The following MYO5B variants were observed in gnomAD, a reference collection of about 807,000 sequenced individuals.
MYO5B encodes the protein myosin VB.
A neutral mutation model predicts 229.3 loss-of-function variants in MYO5B; 143 were observed. The ratio of observed to expected loss-of-function variants is 0.62; its 90% CI spans 0.54 to 0.72. The LOEUF (loss-of-function observed/expected upper bound fraction) is 0.72. MYO5B is among the 30% of genes least tolerant of loss of function. The probability of loss-of-function intolerance (pLI) is 0.00; values close to 1 mark genes in which losing one functional copy is unlikely to be tolerated. For missense variants in MYO5B, 2,321 were observed against 2,331.0 expected (o/e 1.00, Z 0.09); for synonymous variants, 918 against 885.2 (o/e 1.04, Z -0.66).
intron 17 of MYO5B, among the ~76,000 whole-genome samples, chr18:49,924,277 C>T (rs1380224909): frequency 6.6e-6 from 1 of 152,184 alleles, no homozygotes; most frequent in Non-Finnish European, 1.5e-5. Flanking sequence ...TAATAAATAT[C>T]TTACTAAATG....
intron 1 of MYO5B, among the ~76,000 whole-genome samples, chr18:50,077,168 T>TAAAAAAAAAAAAAAA (rs71169476): frequency 4.9e-5 from 4 of 81,214 alleles, no homozygotes; most frequent in Admixed American, 1.6e-4. Flanking sequence ...TGTGGCAAAG[T>TAAAAAAAAAAAAAAA]AAAAAAAAAA....
intron 23 of MYO5B, 51 bp from the exon 24 acceptor site, chr18:49,879,141 T>C (rs2024559343): frequency 1.2e-6 from 2 of 1,612,232 alleles, no homozygotes; most frequent in Non-Finnish European, 1.7e-6. Flanking sequence ...TTCCCTCACA[T>C]GTATTGACTC....
intron 1 of MYO5B, among the ~76,000 whole-genome samples, chr18:50,119,560 G>A (rs186168825): frequency 1.6e-4 from 24 of 152,290 alleles, no homozygotes; most frequent in African/African-American, 5.8e-4. Flanking sequence ...TCCTCATCCT[G>A]AAGATGAGAA....
rs1415531707 is a variant in MYO5B, at chr18:49,824,023, G to A, written c.*2448C>T. On this transcript the variant is annotated 3_prime_UTR_variant, in exon 40 of 40. Transcript: ENST00000285039. ...TTAGTAACCGCTAAAGGCACCTGGT[G>A]AAAAAAATGTCAACTAAATTTTAAA... 1.3e-5 allele frequency: 2 copies of A among 152,420 alleles called. No homozygotes were observed. The highest frequency in any genetic ancestry group is 2.9e-5 in the Non-Finnish European group (2 of 67,980). 9.4% of individuals were successfully genotyped at this position (152,420 alleles called of 1,614,324 possible). A position where few individuals can be genotyped will look rare whatever the true frequency, so the allele number is the denominator to read the frequency against.
intron 29 of MYO5B, among the ~76,000 whole-genome samples, chr18:49,857,698 T>C (rs968426006): frequency 1.3e-5 from 2 of 152,214 alleles, no homozygotes; most frequent in Non-Finnish European, 2.9e-5. Flanking sequence ...GCAAACTCTT[T>C]TGCTGTGTCC....
At chr18:49,930,675 A>G (rs540613855) in intron 16 of MYO5B, among the ~76,000 whole-genome samples, 13 of 152,194 alleles carry the variant, frequency 8.5e-5, no homozygotes, top group African/African-American at 2.4e-4. Flanking sequence ...GGTGGATCAC[A>G]AGGTCAGGAG....
intron 10 of MYO5B, among the ~76,000 whole-genome samples, chr18:49,965,948 T>C (rs1330350576): frequency 1.3e-5 from 2 of 152,206 alleles, no homozygotes; most frequent in Non-Finnish European, 2.9e-5. Flanking sequence ...CTTTCCATTC[T>C]TCAGTACAAC....
At position 49,863,246 on chromosome 18, in the gene MYO5B, C is replaced by G. The variant is rs749567358; in HGVS notation, c.3925G>C (p.Gly1309Arg). ...CCTTACCTGTTTGTCTGGCAGACCC[C>G]GTGATAGGCCTCAATGGCATCCTCC... is the stretch of plus-strand genomic sequence containing the variant. ...DQEDAIEAYH[G>R]VCQTNSKTED... Residue 1309 changes from glycine (G) to arginine (R), a missense_variant, in exon 29 of 40, where the codon GGG (glycine) becomes CGG (arginine). Gly to Arg is a moderately radical substitution (Grantham distance 125, BLOSUM62 -2). Transcript: ENST00000285039. The G allele has an allele frequency of 6.2e-7, 1 of 1,613,158 alleles. No homozygotes were observed. The highest frequency in any genetic ancestry group is 8.5e-7 in the Non-Finnish European group (1 of 1,179,918).
At chr18:50,117,583 G>A (rs2031985428) in intron 1 of MYO5B, among the ~76,000 whole-genome samples, 1 of 151,382 alleles carries the variant, frequency 6.6e-6, no homozygotes, top group African/African-American at 2.4e-5. Flanking sequence ...GGGAGAATTA[G>A]AATACCTACT....
chr18:50,188,813 A>C lies in MYO5B; in HGVS notation c.27+5954T>G, dbSNP rs1388278710. Among the ~76,000 whole-genome samples, 12 of 75,232 alleles carry C rather than the reference A, an allele frequency of 1.6e-4. No homozygotes were observed. In the East Asian group the frequency reaches 3.2e-3, roughly 20 times the overall value. 49.4% of individuals were successfully genotyped at this position (75,232 alleles called of 152,430 possible). Reference sequence around the variant, plus strand: ...AAAAAAAAAAAAAAAAAAAAAAAAAAAAAACACACACACCTATCAACAAAG... The same window carrying C: ...AAAAAAAAAAAAAAAAAAAAAAAAACAAAACACACACACCTATCAACAAAG... On this transcript the variant is annotated intron_variant, in intron 1 of 39. Coordinates refer to ENST00000285039, the MANE Select transcript of MYO5B (RefSeq NM_001080467.3).
chr18:49,984,274 A>C (rs889980712), intron 8 of MYO5B, among the ~76,000 whole-genome samples: 1 of 152,356 alleles, frequency 6.6e-6, no homozygotes, highest in East Asian at 1.9e-4. Context: ...TGTATGTGTG[A>C]TGCAGCTGCC....
chr18:49,936,359 C>T lies in MYO5B; in HGVS notation c.1906-10G>A, dbSNP rs1451714398. The T allele has an allele frequency of 6.4e-7, 1 of 1,573,482 alleles. No individual in the cohort carries two copies. Among genetic ancestry groups the T allele is most frequent in the Non-Finnish European group, 8.7e-7 (1 of 1,154,308 alleles). ...GCAGGGAGGTACGGAACTAGAGAGA[C>T]AAAAGCCAGTGCTTGGTTAGTTTTA... On this transcript the variant is annotated splice_polypyrimidine_tract_variant and intron_variant, in intron 15 of 39. Coordinates refer to ENST00000285039, the MANE Select transcript of MYO5B (RefSeq NM_001080467.3).
intron 20 of MYO5B, among the ~76,000 whole-genome samples, chr18:49,904,117 G>T (rs2024873489): frequency 6.6e-6 from 1 of 152,224 alleles, no homozygotes; most frequent in South Asian, 2.1e-4. Flanking sequence ...TGGATGCTGG[G>T]CCCCTTCAAA....
At chr18:49,927,011 GA>G (rs201308464) in intron 17 of MYO5B, among the ~76,000 whole-genome samples, 1,826 of 152,256 alleles carry the variant, frequency 0.012, 32 homozygotes, top group African/African-American at 0.041. Context: ...GGGACTGGGG[GA>G]GAGAGAATAG....
chr18:49,890,729 G>A (rs1198988233), intron 22 of MYO5B, among the ~76,000 whole-genome samples: 1 of 152,230 alleles, frequency 6.6e-6, no homozygotes, highest in Non-Finnish European at 1.5e-5. Flanking sequence ...TGTCCTTGAT[G>A]CTGTGCAGTT....
chr18:50,055,031 G>A (rs962774769), intron 2 of MYO5B, among the ~76,000 whole-genome samples: 1 of 152,100 alleles, frequency 6.6e-6, no homozygotes, highest in Admixed American at 6.5e-5. Flanking sequence ...GATCACCAAT[G>A]ATCTCTCAGC....
At chr18:49,853,691 G>GC (rs781033612) in intron 30 of MYO5B, 44 bp from the exon 31 acceptor site, 1 of 1,581,972 alleles carries the variant, frequency 6.3e-7, no homozygotes, top group South Asian at 1.1e-5. Context: ...CCAGGCCAGG[G>GC]CCCCCATCTG....
At chr18:50,108,312 C>T (rs1473864945) in intron 1 of MYO5B, among the ~76,000 whole-genome samples, 1 of 152,220 alleles carries the variant, frequency 6.6e-6, no homozygotes, top group Non-Finnish European at 1.5e-5. Context: ...TTGAACTTCA[C>T]AGAAGTGTGT....
chr18:49,880,315 T>C (rs2024572757), intron 23 of MYO5B, 56 bp downstream of exon 23: 1 of 1,450,518 alleles, frequency 6.9e-7, no homozygotes, highest in African/African-American at 1.4e-5. Context: ...TTGGGAGAAG[T>C]CAGTGAGGAA....
Sources: allele counts gnomAD v4.1 joint callset (sites outside exome capture counted in the v4.1 genomes callset), GRCh38; gene constraint gnomAD v4.1.1; transcripts MANE v1.5; gene names NCBI Gene and HGNC (gene_info 2026-07-23, HGNC 2026-07-21).